SORCS1: variants seen among roughly 807,000 people sequenced by gnomAD.
SORCS1 encodes the protein VPS10 domain-containing receptor SorCS1.
In SORCS1, 60 loss-of-function variants were observed where a neutral mutation model predicts 146.1. The observed-to-expected ratio is 0.41, with a 90% CI of 0.33 to 0.51. SORCS1 has a LOEUF of 0.51. Among genes scored for constraint, SORCS1 ranks in the 20% least tolerant of loss-of-function variants. The pLI is 0.21. For synonymous variants in SORCS1, 637 were observed against 584.0 expected, an observed-to-expected ratio of 1.09 and a Z score of -1.31; for missense variants, 1,352 against 1,487.6, an observed-to-expected ratio of 0.91 and a Z score of 1.50.
intron 1 of SORCS1, among the ~76,000 whole-genome samples, chr10:107,058,991 G>T (rs943028639): frequency 6.6e-6 from 1 of 152,006 alleles, no homozygotes; most frequent in Non-Finnish European, 1.5e-5. Context: ...GCGCTGCACC[G>T]GGTTTTTATC....
chr10:106,940,025 C>T (rs978120213), intron 2 of SORCS1, among the ~76,000 whole-genome samples: 3 of 152,232 alleles, frequency 2.0e-5, no homozygotes, highest in South Asian at 2.1e-4. Context: ...GAATTCAATG[C>T]GCCAGACATT....
At chr10:107,025,546 T>C (rs1207528310) in intron 1 of SORCS1, among the ~76,000 whole-genome samples, 1 of 152,190 alleles carries the variant, frequency 6.6e-6, no homozygotes, top group East Asian at 1.9e-4. Flanking sequence ...TGTATTTGCA[T>C]ATAGAGAAGA....
intron 1 of SORCS1, among the ~76,000 whole-genome samples, chr10:106,987,091 A>AT (rs1445811376): frequency 6.6e-6 from 1 of 152,068 alleles, no homozygotes; most frequent in Non-Finnish European, 1.5e-5. Flanking sequence ...CTTCTGAATA[A>AT]TTTTTTCACT....
chr10:107,179,832 G>A, the SORCS1 span, among the ~76,000 whole-genome samples: 583 of 150,342 alleles, frequency 3.9e-3, 5 homozygotes, highest in African/African-American at 0.013. Context: ...TCAGATATAC[G>A]GTTAGCAAAT....
chr10:106,844,984 T>C (rs1949256802), intron 2 of SORCS1, among the ~76,000 whole-genome samples: 1 of 143,108 alleles, frequency 7.0e-6, no homozygotes, highest in African/African-American at 2.5e-5. Flanking sequence ...TCTATCATTG[T>C]TGGACATTTG....
chr10:106,732,637 T>C (rs1246085546), intron 5 of SORCS1, among the ~76,000 whole-genome samples: 1 of 152,242 alleles, frequency 6.6e-6, no homozygotes, highest in South Asian at 2.1e-4. Context: ...AAAACTAGCA[T>C]GCAAGCCTAT....
rs1844519450 is a variant in SORCS1 at position 106,575,037 on chromosome 10, C to A, written c.*2383G>T. On this transcript the variant is annotated 3_prime_UTR_variant, in exon 26 of 26. Coordinates refer to ENST00000263054, the MANE Select transcript of SORCS1 (RefSeq NM_052918.5). ...TAGAATAAGAGTGTTATACCTCTTT[C>A]ATACTTTTCTAATTAAAATGAATTG... The A allele has an allele frequency of 6.6e-6, 1 of 152,650 alleles. No individual in the cohort carries two copies. The highest frequency in any genetic ancestry group is 2.4e-5 in the African/African-American group (1 of 41,458). The allele number at this position is 152,650 out of a possible 1,614,324, so 9.5% of individuals were successfully genotyped here.
intron 2 of SORCS1, among the ~76,000 whole-genome samples, chr10:106,870,568 A>G (rs1314886271): frequency 1.3e-5 from 2 of 152,232 alleles, no homozygotes; most frequent in Non-Finnish European, 2.9e-5. Flanking sequence ...CACAAAGTTG[A>G]CTAAAACAAA....
In SORCS1 at chr10:106,637,597, A is replaced by T. The variant is rs193044529; in HGVS notation, c.2476-8209T>A. Among the ~76,000 whole-genome samples, 443 of 152,330 alleles carry T rather than the reference A, an allele frequency of 2.9e-3. 2 individuals carry two copies. The highest frequency in any genetic ancestry group is 0.01 in the African/African-American group (429 of 41,576). On this transcript the variant is annotated intron_variant, in intron 18 of 25. Coordinates refer to ENST00000263054, the MANE Select transcript of SORCS1 (RefSeq NM_052918.5). ...GGATGAAGAGTCGCCAGTGAAGAGG[A>T]TAGTGCAGAAGGTTTTACAATTTTT...
intron 1 of SORCS1, among the ~76,000 whole-genome samples, chr10:106,983,589 T>C (rs1956328881): frequency 6.6e-6 from 1 of 152,148 alleles, no homozygotes; most frequent in South Asian, 2.1e-4. Flanking sequence ...AAGGAGCTAT[T>C]TGTCTTTTCT....
chr10:106,588,860 C>CAAAA (rs778852501), intron 24 of SORCS1, among the ~76,000 whole-genome samples: 88 of 35,114 alleles, frequency 2.5e-3, no homozygotes, highest in Non-Finnish European at 3.3e-3. Flanking sequence ...GACTCCATCT[C>CAAAA]AAAAAAAAAA....
intron 1 of SORCS1, among the ~76,000 whole-genome samples, chr10:107,004,978 C>T (rs1380599676): frequency 6.6e-6 from 1 of 152,038 alleles, no homozygotes; most frequent in Non-Finnish European, 1.5e-5. Flanking sequence ...TCTCCAGTTG[C>T]CTGCCAATAT....
intron 17 of SORCS1, among the ~76,000 whole-genome samples, chr10:106,653,507 T>C (rs1433732557): frequency 1.3e-5 from 2 of 152,232 alleles, no homozygotes; most frequent in East Asian, 1.9e-4. Flanking sequence ...TTGCAGGTTA[T>C]GTAGACTTTG....
At chr10:106,917,160 T>C (rs1952485483) in intron 2 of SORCS1, among the ~76,000 whole-genome samples, 1 of 152,226 alleles carries the variant, frequency 6.6e-6, no homozygotes, top group East Asian at 1.9e-4. Flanking sequence ...AAAACTCCTG[T>C]ATAATCTCTC....
intron 6 of SORCS1, among the ~76,000 whole-genome samples, chr10:106,722,099 G>A (rs1855819222): frequency 7.1e-6 from 1 of 140,316 alleles, no homozygotes; most frequent in Non-Finnish European, 1.5e-5. Context: ...AATTTCTGGA[G>A]AAATATAGCA....
At chr10:106,837,702 A>T (rs1474103598) in intron 2 of SORCS1, among the ~76,000 whole-genome samples, 1 of 151,656 alleles carries the variant, frequency 6.6e-6, no homozygotes. Context: ...TTGCAATATA[A>T]TTGTGAGCTG....
At chr10:107,120,238 C>T (rs1251752) in intron 1 of SORCS1, among the ~76,000 whole-genome samples, 82,848 of 152,026 alleles carry the variant, frequency 0.54, 23,687 homozygotes, top group African/African-American at 0.74. Flanking sequence ...CATCTTCATA[C>T]ATCATATATA....
At chr10:106,893,300 G>A (rs1589648480) in intron 2 of SORCS1, among the ~76,000 whole-genome samples, 1 of 152,138 alleles carries the variant, frequency 6.6e-6, no homozygotes, top group African/African-American at 2.4e-5. Context: ...AATGGATGAA[G>A]CCAACAAAAG....
intron 17 of SORCS1, among the ~76,000 whole-genome samples, chr10:106,654,753 G>C (rs1850146323): frequency 6.6e-6 from 1 of 152,206 alleles, no homozygotes; most frequent in African/African-American, 2.4e-5. Context: ...TTAACACCTA[G>C]CCTATGAGGG....
Sources: allele counts gnomAD v4.1 joint callset (sites outside exome capture counted in the v4.1 genomes callset), GRCh38; gene constraint gnomAD v4.1.1; transcripts MANE v1.5; gene names NCBI Gene and HGNC (gene_info 2026-07-23, HGNC 2026-07-21).